The following AGBL1 variants were observed in gnomAD, a reference collection of about 807,000 sequenced individuals.
AGBL1 encodes the protein cytosolic carboxypeptidase 4.
AGBL1 carries 130 observed loss-of-function variants against 118.9 expected under a neutral mutation model. The ratio of observed to expected loss-of-function variants is 1.09; its 90% confidence interval spans 0.95 to 1.26. The LOEUF (loss-of-function observed/expected upper bound fraction) is 1.26. Ranked by LOEUF, AGBL1 falls within the 50% of genes most tolerant of loss-of-function variation. AGBL1 has a pLI of 0.00. For synonymous variants in AGBL1, 555 were observed against 478.9 expected (o/e 1.16, Z -2.08); for missense variants, 1,584 against 1,298.1 (o/e 1.22, Z -3.38).
At chr15:86,844,643 T>C (rs2079293493) in intron 22 of AGBL1, among the ~76,000 whole-genome samples, 1 of 152,164 alleles carries the variant, frequency 6.6e-6, no homozygotes, top group Non-Finnish European at 1.5e-5. Context: ...TCAAATATTG[T>C]CTCCCAGTCT....
Position 86,279,643 on chromosome 15 carries a change from C to A in AGBL1, c.2080C>A (p.His694Asn). 6.2e-7 allele frequency: 1 copy of A among 1,613,188 alleles called. No individual in the cohort carries two copies. Among genetic ancestry groups the A allele is most frequent in the Non-Finnish European group, 8.5e-7 (1 of 1,179,298 alleles). Residue 694 changes from histidine (H) to asparagine (N), a missense_variant, in exon 16 of 23, where the codon CAT becomes AAT. Coordinates refer to ENST00000614907, the MANE Select transcript of AGBL1 (RefSeq NM_001386094.1). Reference sequence around the variant, plus strand: ...CTTCTCCTCCTCTCTCTTTAGAAATCATTATCGCCAGAGTACAGCTGTTGC... The same window carrying A: ...CTTCTCCTCCTCTCTCTTTAGAAATAATTATCGCCAGAGTACAGCTGTTGC... Reference protein sequence around the residue: ...TGHEICYYKNHYRQSTAVAGG... With the variant: ...TGHEICYYKNNYRQSTAVAGG...
intron 17 of AGBL1, among the ~76,000 whole-genome samples, chr15:86,337,687 CACTT>C (rs1391452522): frequency 3.3e-5 from 5 of 152,124 alleles, no homozygotes; most frequent in African/African-American, 1.2e-4. Flanking sequence ...AGGGGAAAAA[CACTT>C]ACTGGGGCCT....
chr15:86,413,565 TC>T (rs1318174899), intron 18 of AGBL1, among the ~76,000 whole-genome samples: 7 of 152,262 alleles, frequency 4.6e-5, no homozygotes, highest in East Asian at 3.9e-4. Flanking sequence ...TAGTAGCCAT[TC>T]TGAATGGTAT....
intron 24 of AGBL1, among the ~76,000 whole-genome samples, chr15:86,999,474 T>C (rs2081413357): frequency 6.8e-6 from 1 of 147,136 alleles, no homozygotes; most frequent in South Asian, 2.1e-4. Flanking sequence ...ATGCGGTGTT[T>C]GGTTTTTTGT....
At chr15:86,716,961 T>C (rs1040195260) in intron 22 of AGBL1, among the ~76,000 whole-genome samples, 1 of 152,206 alleles carries the variant, frequency 6.6e-6, no homozygotes, top group African/African-American at 2.4e-5. Context: ...GTTTTTGTTT[T>C]GTTTTTACCT....
intron 22 of AGBL1, among the ~76,000 whole-genome samples, chr15:86,768,035 G>A (rs73445245): frequency 6.6e-6 from 1 of 151,918 alleles, no homozygotes; most frequent in Non-Finnish European, 1.5e-5. Flanking sequence ...TATACAGAAA[G>A]AACTCATCAC....
rs1038359666 is a variant in AGBL1, at chr15:86,256,168, A to G, written c.736-685A>G. Among the ~76,000 whole-genome samples, 4 of 152,206 alleles carry G rather than the reference A, an allele frequency of 2.6e-5. 1 individual carries two copies. The highest frequency in any genetic ancestry group is 5.9e-5 in the Non-Finnish European group (4 of 68,034). On this transcript the variant is annotated intron_variant, in intron 7 of 22. Transcript: ENST00000614907. ...AACTCTCTGTCTCTCAATTTAGTGA[A>G]CTTGTTCCTACATTTTTCACAGTGT...
chr15:86,780,496 C>T (rs74025471), intron 22 of AGBL1, among the ~76,000 whole-genome samples: 9,226 of 152,028 alleles, frequency 0.061, 508 homozygotes, highest in Admixed American at 0.17. Flanking sequence ...CTTATAAACT[C>T]CCACCAAAAG....
At chr15:86,656,648 G>A (rs1373219782) in intron 21 of AGBL1, among the ~76,000 whole-genome samples, 6 of 152,018 alleles carry the variant, frequency 3.9e-5, no homozygotes, top group Admixed American at 3.9e-4. Context: ...TAATAATCTG[G>A]CTTCTCTCCC....
At chr15:86,692,289 G>C (rs925945645) in intron 22 of AGBL1, among the ~76,000 whole-genome samples, 1 of 152,176 alleles carries the variant, frequency 6.6e-6, no homozygotes, top group African/African-American at 2.4e-5. Context: ...ACATGGCAAA[G>C]GCGTAATTGA....
chr15:86,089,891 GA>G (rs1172600586), intron 1 of AGBL1, among the ~76,000 whole-genome samples: 2 of 151,730 alleles, frequency 1.3e-5, no homozygotes, highest in Non-Finnish European at 2.9e-5. Flanking sequence ...TGTTCTAAAG[GA>G]AAAAAAATGC....
chr15:86,894,139 C>T (rs747757527), intron 22 of AGBL1, among the ~76,000 whole-genome samples: 1 of 152,120 alleles, frequency 6.6e-6, no homozygotes, highest in African/African-American at 2.4e-5. Flanking sequence ...GAAATAAAAT[C>T]AATTTTCAGG....
chr15:86,746,464 A>G (rs2077758280), intron 22 of AGBL1, among the ~76,000 whole-genome samples: 1 of 152,004 alleles, frequency 6.6e-6, no homozygotes, highest in Non-Finnish European at 1.5e-5. Flanking sequence ...TTTTGGGTTC[A>G]GAACATACCT....
At chr15:86,087,764 A>G (rs1236507053) in intron 1 of AGBL1, among the ~76,000 whole-genome samples, 1 of 152,242 alleles carries the variant, frequency 6.6e-6, no homozygotes, top group Non-Finnish European at 1.5e-5. Context: ...GAATTTGAGC[A>G]GAGGGAATCT....
intron 5 of AGBL1, among the ~76,000 whole-genome samples, chr15:86,191,106 G>A (rs1411488869): frequency 6.6e-6 from 1 of 152,042 alleles, no homozygotes; most frequent in Non-Finnish European, 1.5e-5. Context: ...CACTTTGGGA[G>A]ACTGAGGCGG....
chr15:86,434,901 C>T (rs2142044429), intron 18 of AGBL1, among the ~76,000 whole-genome samples: 1 of 152,322 alleles, frequency 6.6e-6, no homozygotes, highest in Admixed American at 6.5e-5. Context: ...ACATTCAGGG[C>T]TTTTATATCC....
chr15:86,421,160 G>A (rs867328366), intron 18 of AGBL1, among the ~76,000 whole-genome samples: 9 of 152,162 alleles, frequency 5.9e-5, no homozygotes, highest in Middle Eastern at 3.4e-3. Flanking sequence ...ACACATAACC[G>A]TCAGATTCAC....
intron 18 of AGBL1, among the ~76,000 whole-genome samples, chr15:86,469,422 G>A (rs2082449233): frequency 6.6e-6 from 1 of 152,098 alleles, no homozygotes; most frequent in Non-Finnish European, 1.5e-5. Flanking sequence ...TGTTTTCTAA[G>A]GATGAGTACT....
chr15:86,837,113 A>G lies in AGBL1; in HGVS notation c.3159-69974A>G, dbSNP rs1408015701. Among the ~76,000 whole-genome samples, 6 of 152,078 alleles carry G rather than the reference A, an allele frequency of 3.9e-5. No individual in the cohort carries two copies. In the South Asian group the frequency reaches 1.0e-3, roughly 26 times the overall value. On this transcript the variant is annotated intron_variant, in intron 22 of 22. Coordinates refer to ENST00000614907, the MANE Select transcript of AGBL1 (RefSeq NM_001386094.1). ...GTGAGTAAATGAATGAATGCATGAA[A>G]CTAAATATTCTTAGCGCATTTCACA...
Sources: allele counts gnomAD v4.1 joint callset (sites outside exome capture counted in the v4.1 genomes callset), GRCh38; gene constraint gnomAD v4.1.1; transcripts MANE v1.5; gene names NCBI Gene and HGNC (gene_info 2026-07-23, HGNC 2026-07-21).